IFNAR2: variants seen among roughly 807,000 people sequenced by gnomAD.
IFNAR2 encodes the protein interferon alpha and beta receptor subunit 2.
IFNAR2 carries 30 observed loss-of-function variants against 49.4 expected under a neutral mutation model. That is an observed-to-expected ratio of 0.61 (90% CI 0.45 to 0.82). IFNAR2 has a LOEUF of 0.82. Among genes scored for constraint, IFNAR2 ranks in the 40% least tolerant of loss-of-function variants. The pLI is 0.00. For missense variants in IFNAR2, 600 were observed against 622.7 expected, an observed-to-expected ratio of 0.96 and a Z score of 0.39; for synonymous variants, 224 against 234.5, an observed-to-expected ratio of 0.96 and a Z score of 0.41.
At chr21:33,238,915 G>A (rs1003294361) in intron 1 of IFNAR2, among the ~76,000 whole-genome samples, 9 of 152,168 alleles carry the variant, frequency 5.9e-5, no homozygotes, top group African/African-American at 2.2e-4. Context: ...ATCACAAAGA[G>A]TAAGAGAAAT....
At position 33,245,042 on chromosome 21, in the gene IFNAR2, A is replaced by G. The variant is rs761584715; in HGVS notation, c.189A>G (p.Pro63=). ...AATTAAAAAACCACTCCATTGTACC[A>G]ACTCACTATACATTGCTGTATACAA... ...SWELKNHSIV[P]THYTLLYTIM... is the part of the protein sequence containing the mutation. The change falls in exon 4 of 9, where the codon CCA becomes CCG. Residue 63 remains proline (P), a synonymous_variant. Transcript: ENST00000342136. 2 of 1,610,860 alleles carry G rather than the reference A, an allele frequency of 1.2e-6. No individual in the cohort carries two copies. Among genetic ancestry groups the G allele is most frequent in the Non-Finnish European group, 1.7e-6 (2 of 1,177,018 alleles).
At chr21:33,235,753 C>T (rs904558824) in intron 1 of IFNAR2, among the ~76,000 whole-genome samples, 5 of 151,912 alleles carry the variant, frequency 3.3e-5, no homozygotes, top group African/African-American at 9.7e-5. Flanking sequence ...TGTGAAACCC[C>T]GTCTCTACTA....
chr21:33,245,624 CA>C (rs1448773590), intron 4 of IFNAR2, among the ~76,000 whole-genome samples: 1 of 152,206 alleles, frequency 6.6e-6, no homozygotes, highest in Admixed American at 6.5e-5. Context: ...GGGGTTGCTG[CA>C]AGGATTCGTG....
At chr21:33,250,502 A>G (rs1987765287) in intron 6 of IFNAR2, among the ~76,000 whole-genome samples, 1 of 152,140 alleles carries the variant, frequency 6.6e-6, no homozygotes, top group South Asian at 2.1e-4. Context: ...GGTAATGAGT[A>G]GTGAGAGGCC....
chr21:33,262,464 A>G (rs1383204375), intron 8 of IFNAR2: 1 of 629,320 alleles, frequency 1.6e-6, no homozygotes, highest in African/African-American at 1.8e-5. Flanking sequence ...CCCAGCATAT[A>G]GTAAGCATGG....
intron 1 of IFNAR2, among the ~76,000 whole-genome samples, chr21:33,232,018 G>C (rs1986099248): frequency 6.6e-6 from 1 of 152,130 alleles, no homozygotes. Context: ...AGTATTACAG[G>C]CTCAATCATC....
intron 1 of IFNAR2, chr21:33,231,780 C>T: frequency 6.8e-6 from 5 of 732,984 alleles, no homozygotes; most frequent in Middle Eastern, 6.7e-4. Context: ...CTCGCTCTGT[C>T]GCGCAGGCTG....
intron 8 of IFNAR2, among the ~76,000 whole-genome samples, chr21:33,262,350 C>A (rs1029442209): frequency 1.6e-5 from 2 of 122,888 alleles, no homozygotes; most frequent in African/African-American, 6.5e-5. Flanking sequence ...GGCAACAGAG[C>A]GAGACTCCCG....
intron 1 of IFNAR2, among the ~76,000 whole-genome samples, chr21:33,240,378 G>A (rs1246317530): frequency 1.3e-5 from 2 of 152,198 alleles, no homozygotes; most frequent in Non-Finnish European, 2.9e-5. Context: ...TAACCTAGAT[G>A]TGTAGTTGGC....
At chr21:33,235,678 G>C (rs937171847) in intron 1 of IFNAR2, among the ~76,000 whole-genome samples, 8 of 152,210 alleles carry the variant, frequency 5.3e-5, no homozygotes, top group African/African-American at 1.4e-4. Context: ...TGTAATCCCA[G>C]CACTTTGGGA....
rs1987442634 is a variant in IFNAR2, at chr21:33,246,762, C to G, written c.266C>G (p.Thr89Arg). Residue 89 changes from threonine (T) to arginine (R), a missense_variant, in exon 5 of 9, where the codon ACA (threonine) becomes AGA (arginine). Transcript: ENST00000342136. ...GTGGTTAAGAACTGTGCAAATACCACAAGATCATTTTGTGACCTCACAGAT... is the reference window on the plus strand; with the variant it reads ...GTGGTTAAGAACTGTGCAAATACCAGAAGATCATTTTGTGACCTCACAGAT... ...LKVVKNCANTTRSFCDLTDEW... is the reference protein window; with the variant it reads ...LKVVKNCANTRRSFCDLTDEW... 1.2e-6 allele frequency: 2 copies of G among 1,613,766 alleles called. No homozygotes were observed. Among genetic ancestry groups the G allele is most frequent in the Non-Finnish European group, 1.7e-6 (2 of 1,179,662 alleles).
Position 33,262,849 on chromosome 21 carries a change from G to A in IFNAR2, c.897G>A (p.Met299Ile). 6.2e-7 allele frequency: 1 copy of A among 1,613,230 alleles called. No individual in the cohort carries two copies. The highest frequency in any genetic ancestry group is 8.5e-7 in the Non-Finnish European group (1 of 1,179,710). Residue 299 changes from methionine (M) to isoleucine (I), a missense_variant, in exon 9 of 9, where the codon ATG (methionine) becomes ATA (isoleucine). By Grantham distance (10) the Met-to-Ile change is conservative. Transcript: ENST00000342136. ...CTAACCTGCCACCGTTGGAAGCCAT[G>A]GATATGGTGGAGGTCATTTACATCA... ...PFPNLPPLEAMDMVEVIYINR... is the reference protein window; with the variant it reads ...PFPNLPPLEAIDMVEVIYINR...
intron 3 of IFNAR2, among the ~76,000 whole-genome samples, chr21:33,244,000 T>C (rs528533360): frequency 1.2e-4 from 18 of 152,372 alleles, no homozygotes; most frequent in Admixed American, 1.2e-3. Flanking sequence ...AGACACAGAC[T>C]GTGCCAAATA....
rs1601779082 is a variant in IFNAR2 at position 33,230,512 on chromosome 21, C to T, written c.-84+296C>T. The T allele has an allele frequency of 2.1e-6, 1 of 470,676 alleles. No homozygotes were observed. The highest frequency in any genetic ancestry group is 4.4e-6 in the Non-Finnish European group (1 of 226,920). The allele number at this position is 470,676 out of a possible 1,614,324, so 29.2% of individuals were successfully genotyped here. Reference sequence around the variant, plus strand: ...TTGCACCCCTCCGCGTCCCACCCCACCCCACCAAGGATGCCCAGGATACCG... The same window carrying T: ...TTGCACCCCTCCGCGTCCCACCCCATCCCACCAAGGATGCCCAGGATACCG... On this transcript the variant is annotated intron_variant, in intron 1 of 8. Coordinates refer to ENST00000342136, the MANE Select transcript of IFNAR2 (RefSeq NM_001289125.3). The surrounding 1 kb of genome is among the most constrained non-coding windows in gnomAD (Gnocchi z 5.5).
chr21:33,262,607 G>A lies in IFNAR2; in HGVS notation c.841-186G>A, dbSNP rs1210087879. Reference sequence around the variant, plus strand: ...TGGAATGCAGTGGCTATTCACAGGTGCAGTCATAATGCACTACAGTCTGAA... The same window carrying A: ...TGGAATGCAGTGGCTATTCACAGGTACAGTCATAATGCACTACAGTCTGAA... On this transcript the variant is annotated intron_variant, in intron 8 of 8. Coordinates refer to ENST00000342136, the MANE Select transcript of IFNAR2 (RefSeq NM_001289125.3). The A allele has an allele frequency of 3.8e-6, 3 of 799,530 alleles. No individual in the cohort carries two copies. The Admixed American group carries it at 5.8e-5, about 16-fold the overall frequency. The allele number at this position is 799,530 out of a possible 1,614,324, so 49.5% of individuals were successfully genotyped here. A position where few individuals can be genotyped will look rare whatever the true frequency, so the allele number is the denominator to read the frequency against.
intron 2 of IFNAR2, among the ~76,000 whole-genome samples, chr21:33,242,849 T>C (rs1258574497): frequency 2.7e-5 from 4 of 145,616 alleles, no homozygotes; most frequent in Non-Finnish European, 6.0e-5. Context: ...GAGTGCAGGG[T>C]GTGAGCTCAG....
At position 33,248,723 on chromosome 21, in the gene IFNAR2, C is replaced by T; in HGVS notation, c.409C>T (p.Pro137Ser). ...TTTTTGCACAGTGTCTTTTGAACCACCAGAGTTTGAGATTGTTGGTTTTAC... is the reference window on the plus strand; with the variant it reads ...TTTTTGCACAGTGTCTTTTGAACCATCAGAGTTTGAGATTGTTGGTTTTAC... The part of the protein sequence containing the change: ...WLAIDMSFEP[P>S]EFEIVGFTNH... The change falls in exon 6 of 9, where the codon CCA becomes TCA. Residue 137 changes from proline (P) to serine (S), a missense_variant. By Grantham distance (74) the Pro-to-Ser change is moderately conservative (BLOSUM62 -1). Coordinates refer to ENST00000342136, the MANE Select transcript of IFNAR2 (RefSeq NM_001289125.3). The T allele has an allele frequency of 6.2e-7, 1 of 1,605,914 alleles. No individual in the cohort carries two copies. Among genetic ancestry groups the T allele is most frequent in the Non-Finnish European group, 8.5e-7 (1 of 1,176,856 alleles).
chr21:33,259,111 G>T (rs766875993), intron 7 of IFNAR2, among the ~76,000 whole-genome samples: 13 of 151,998 alleles, frequency 8.6e-5, no homozygotes, highest in Non-Finnish European at 1.6e-4. Context: ...TCAGCCCTCT[G>T]CTTGTGAGGT....
At chr21:33,262,624 C>A in intron 8 of IFNAR2, 169 bp from the exon 9 acceptor site, 1 of 920,880 alleles carries the variant, frequency 1.1e-6, no homozygotes, top group Non-Finnish European at 1.8e-6. Flanking sequence ...TAATGCACTA[C>A]AGTCTGAAAC....
Sources: gnomAD v4.1 joint callset for allele counts (sites outside exome capture counted in the v4.1 genomes callset) on GRCh38, gnomAD v4.1.1 for gene constraint, Gnocchi (gnomAD v3.1) non-coding constraint, MANE v1.5 for transcripts, NCBI Gene and HGNC (gene_info 2026-07-23, HGNC 2026-07-21) for gene names.